Variants in HIVEP2 observed in about 807,000 individuals in gnomAD.
HIVEP2 encodes the protein HIVEP zinc finger 2.
Under a neutral mutation model 180.7 loss-of-function variants are expected in HIVEP2, and 14 were observed. The observed-to-expected ratio is 0.08, with a 90% CI of 0.05 to 0.12. The LOEUF (loss-of-function observed/expected upper bound fraction) is 0.12. Ranked by LOEUF, HIVEP2 falls within the 10% of genes least tolerant of loss-of-function variation. The pLI is 1.00. For missense variants in HIVEP2, 2,579 were observed against 3,008.5 expected (o/e 0.86, Z 3.34); for synonymous variants, 1,184 against 1,136.4 (o/e 1.04, Z -0.84).
intron 4 of HIVEP2, among the ~76,000 whole-genome samples, chr6:142,775,884 CAT>C (rs985267628): frequency 2.5e-4 from 38 of 149,716 alleles, no homozygotes; most frequent in African/African-American, 8.3e-4. Flanking sequence ...ATAAATATAA[CAT>C]AGTATACATA....
chr6:142,909,772 T>C (rs1390250480), intron 1 of HIVEP2, among the ~76,000 whole-genome samples: 1 of 152,160 alleles, frequency 6.6e-6, no homozygotes, highest in Non-Finnish European at 1.5e-5. Context: ...GGGGCAGGCA[T>C]GGTCTCAGCC....
intron 2 of HIVEP2, among the ~76,000 whole-genome samples, chr6:142,830,824 C>T (rs1388081027): frequency 2.6e-5 from 4 of 152,168 alleles, no homozygotes; most frequent in Non-Finnish European, 5.9e-5. Context: ...TCACTGACCG[C>T]TTCCTCCTGC....
In HIVEP2 at chr6:142,768,246, T is replaced by C. The variant is rs959369293; in HGVS notation, c.5342+136A>G. 9.1e-6 allele frequency: 7 copies of C among 772,684 alleles called. No homozygotes were observed. The African/African-American group carries it at 1.1e-4, about 12-fold the overall frequency. The allele number at this position is 772,684 out of a possible 1,614,324, so 47.9% of individuals were successfully genotyped here. ...ACTTATGATCTATTACCAGCCAGAGTTCAGAACTGTGAATAGAAAAGGAAT... is the reference window on the plus strand; with the variant it reads ...ACTTATGATCTATTACCAGCCAGAGCTCAGAACTGTGAATAGAAAAGGAAT... On this transcript the variant is annotated intron_variant, in intron 6 of 9. Transcript: ENST00000367603.
intron 2 of HIVEP2, among the ~76,000 whole-genome samples, chr6:142,791,032 C>G (rs1391488715): frequency 6.6e-6 from 1 of 152,184 alleles, no homozygotes; most frequent in Non-Finnish European, 1.5e-5. Flanking sequence ...CTATCTACTT[C>G]TAATAACTGA....
intron 1 of HIVEP2, among the ~76,000 whole-genome samples, chr6:142,859,549 T>G (rs1048494016): frequency 6.6e-6 from 1 of 150,734 alleles, no homozygotes; most frequent in Admixed American, 6.6e-5. Flanking sequence ...AAACGATAAA[T>G]GAGGCAGGAC....
chr6:142,908,187 C>T (rs1777314820), intron 1 of HIVEP2, among the ~76,000 whole-genome samples: 1 of 152,204 alleles, frequency 6.6e-6, no homozygotes, highest in South Asian at 2.1e-4. Context: ...TTATATCATA[C>T]TCTATTTGAA....
chr6:142,777,776 T>C (rs1344036001), intron 3 of HIVEP2, among the ~76,000 whole-genome samples: 2 of 152,118 alleles, frequency 1.3e-5, no homozygotes, highest in Admixed American at 1.3e-4. Flanking sequence ...TTGTTTATTT[T>C]TCTTAACATG....
In HIVEP2 at chr6:142,759,758, T is replaced by C; in HGVS notation, c.6516+14A>G. On this transcript the variant is annotated intron_variant, in intron 9 of 9. Transcript: ENST00000367603. ...TCCACTTATGTATTAGAAAGAAAAG[T>C]GGATTATACTTACAGGAGGCCCCAA... The C allele has an allele frequency of 6.4e-7, 1 of 1,571,032 alleles. No homozygotes were observed. Among genetic ancestry groups the C allele is most frequent in the African/African-American group, 1.4e-5 (1 of 72,992 alleles).
At chr6:142,822,562 G>A (rs981651717) in intron 2 of HIVEP2, among the ~76,000 whole-genome samples, 9 of 152,290 alleles carry the variant, frequency 5.9e-5, no homozygotes, top group Non-Finnish European at 1.2e-4. Flanking sequence ...AATGAAGGAA[G>A]TGCTAAACTT....
intron 6 of HIVEP2, among the ~76,000 whole-genome samples, chr6:142,765,460 T>C (rs1322786563): frequency 6.6e-6 from 1 of 152,242 alleles, no homozygotes; most frequent in East Asian, 1.9e-4. Flanking sequence ...AATTCTTCAT[T>C]GCAAGTTCCT....
At chr6:142,818,891 A>C (rs1776947062) in intron 2 of HIVEP2, among the ~76,000 whole-genome samples, 1 of 151,772 alleles carries the variant, frequency 6.6e-6, no homozygotes. Flanking sequence ...TAATCCCAAC[A>C]CTTTGGGCAG....
At chr6:142,759,221 T>G (rs981349467) in intron 9 of HIVEP2, among the ~76,000 whole-genome samples, 5 of 152,078 alleles carry the variant, frequency 3.3e-5, no homozygotes, top group African/African-American at 1.2e-4. Context: ...GAGAATCGCT[T>G]CAACCTGGGA....
chr6:142,822,417 G>A (rs995798443), intron 2 of HIVEP2, among the ~76,000 whole-genome samples: 4 of 152,110 alleles, frequency 2.6e-5, no homozygotes, highest in East Asian at 1.9e-4. Flanking sequence ...ACCATAATTC[G>A]GAGTAGTCAT....
chr6:142,809,532 C>T (rs2114788346), intron 2 of HIVEP2, among the ~76,000 whole-genome samples: 1 of 152,248 alleles, frequency 6.6e-6, no homozygotes. Context: ...ATAAAGACTT[C>T]TTTGTAAGTA....
intron 2 of HIVEP2, among the ~76,000 whole-genome samples, chr6:142,828,910 T>G (rs1263053063): frequency 6.6e-6 from 1 of 152,176 alleles, no homozygotes; most frequent in African/African-American, 2.4e-5. Flanking sequence ...TTTCCCACCT[T>G]TCATAGCCAA....
intron 1 of HIVEP2, among the ~76,000 whole-genome samples, chr6:142,938,083 G>T (rs1242179922): frequency 1.3e-5 from 2 of 152,100 alleles, no homozygotes; most frequent in Non-Finnish European, 2.9e-5. Flanking sequence ...ATATGAGCTG[G>T]AAGAAGCTTT....
Position 142,771,717 on chromosome 6 carries a change from T to G in HIVEP2, c.3022A>C (p.Thr1008Pro), listed in dbSNP as rs759798413. 2 of 1,614,170 alleles carry G rather than the reference T, an allele frequency of 1.2e-6. No homozygotes were observed. The highest frequency in any genetic ancestry group is 1.7e-6 in the Non-Finnish European group (2 of 1,180,026). Residue 1008 changes from threonine to proline, a missense_variant, in exon 5 of 10, where the codon ACT becomes CCT. By Grantham distance (38) the Thr-to-Pro change is conservative (BLOSUM62 -1). Transcript: ENST00000367603. The surrounding 1 kb of genome is among the most constrained non-coding windows in gnomAD (Gnocchi z 5.4). The part of the protein sequence containing the change: ...DEFGKHSEFL[T>P]VPAGSYSLSV... ...AATGAGTATGAACCAGCAGGGACAG[T>G]CAGAAACTCTGAATGCTTCCCAAAC...
rs1214545283 is a variant in HIVEP2, at chr6:142,846,051, G to A, written c.-640-9004C>T. 3.3e-5 allele frequency among the ~76,000 whole-genome samples: 5 copies of A among 152,318 alleles called. No homozygotes were observed. The East Asian group carries it at 9.6e-4, about 29-fold the overall frequency. ...CCAGTGTGAGCGAAGTCCAGGCCAC[G>A]GCAACAACAGCCTGGCCTGAGGACA... On this transcript the variant is annotated intron_variant, in intron 1 of 9. Transcript: ENST00000367603.
chr6:142,791,359 T>C (rs1236550269), intron 2 of HIVEP2, among the ~76,000 whole-genome samples: 2 of 152,174 alleles, frequency 1.3e-5, no homozygotes, highest in Non-Finnish European at 2.9e-5. Context: ...GTGGAAGCCA[T>C]GATTTGCACA....
Sources: allele counts gnomAD v4.1 joint callset (sites outside exome capture counted in the v4.1 genomes callset), GRCh38; gene constraint gnomAD v4.1.1; non-coding constraint Gnocchi (gnomAD v3.1); transcripts MANE v1.5; gene names NCBI Gene and HGNC (gene_info 2026-07-23, HGNC 2026-07-21).